Variants in TENM3 observed in about 807,000 individuals in gnomAD.
TENM3 encodes the protein teneurin transmembrane protein 3.
In TENM3, 63 loss-of-function variants were observed where a neutral mutation model predicts 255.1. That is an observed-to-expected ratio of 0.25 (90% CI 0.20 to 0.30). The LOEUF (loss-of-function observed/expected upper bound fraction) is 0.30, where lower values mean the gene tolerates loss of function less well. Among genes scored for constraint, TENM3 ranks in the 10% least tolerant of loss-of-function variants. The pLI is 1.00. For missense variants in TENM3, 2,929 were observed against 3,461.1 expected (o/e 0.85, Z 3.86); for synonymous variants, 1,306 against 1,322.3 (o/e 0.99, Z 0.27).
chr4:182,151,682 CA>C (rs1254234720), intron 1 of TENM3, among the ~76,000 whole-genome samples: 1 of 151,584 alleles, frequency 6.6e-6, no homozygotes, highest in Non-Finnish European at 1.5e-5. Flanking sequence ...CAAAACAAAA[CA>C]AAAAAACGAA....
At chr4:182,098,938 T>C in the TENM3 span, among the ~76,000 whole-genome samples, 4 of 149,588 alleles carry the variant, frequency 2.7e-5, no homozygotes, top group African/African-American at 4.9e-5. Flanking sequence ...ATTTACCTCA[T>C]AAATATGTGC....
At chr4:182,675,249 C>G (rs1299703688) in intron 7 of TENM3, among the ~76,000 whole-genome samples, 1 of 151,928 alleles carries the variant, frequency 6.6e-6, no homozygotes, top group Non-Finnish European at 1.5e-5. Flanking sequence ...ATATAATAAC[C>G]AGATTTTCTT....
the TENM3 span, among the ~76,000 whole-genome samples, chr4:181,774,016 T>TG: frequency 8.5e-4 from 120 of 141,762 alleles, 2 homozygotes; most frequent in South Asian, 1.6e-3. Context: ...TTTTTTTTTT[T>TG]TTTTTTTTTT....
upstream of TENM3, chr4:182,143,582 T>C (rs1749634179): frequency 6.0e-6 from 1 of 166,628 alleles, no homozygotes. The surrounding 1 kb of genome is among the most constrained non-coding windows in gnomAD (Gnocchi z 4.3). Flanking sequence ...TCTAAGAAGG[T>C]TAGAGGTTTG....
At chr4:181,985,739 C>G in the TENM3 span, among the ~76,000 whole-genome samples, 1 of 152,090 alleles carries the variant, frequency 6.6e-6, no homozygotes. Context: ...TTTTCCCTAA[C>G]ATAAACAATC....
chr4:182,574,261 A>G (rs746427025), intron 3 of TENM3, among the ~76,000 whole-genome samples: 3 of 151,738 alleles, frequency 2.0e-5, no homozygotes, highest in African/African-American at 4.8e-5. Context: ...GTGGATTTCT[A>G]CTCTTATCAG....
At chr4:181,996,623 G>T in the TENM3 span, among the ~76,000 whole-genome samples, 1 of 152,186 alleles carries the variant, frequency 6.6e-6, no homozygotes, top group Admixed American at 6.5e-5. Context: ...ATTCTGTCAG[G>T]TGAGTGGAGA....
the TENM3 span, among the ~76,000 whole-genome samples, chr4:181,551,329 C>A: frequency 6.6e-6 from 1 of 152,148 alleles, no homozygotes; most frequent in East Asian, 1.9e-4. Context: ...TAGTGAAGGT[C>A]TTACTTGAAA....
At chr4:181,930,729 G>A in the TENM3 span, among the ~76,000 whole-genome samples, 5 of 152,028 alleles carry the variant, frequency 3.3e-5, no homozygotes, top group Admixed American at 2.6e-4. Flanking sequence ...AAAACTTCAG[G>A]CCAATATCCC....
chr4:181,867,077 C>G, the TENM3 span, among the ~76,000 whole-genome samples: 1 of 152,148 alleles, frequency 6.6e-6, no homozygotes, highest in Non-Finnish European at 1.5e-5. Context: ...TCCTCTGCTT[C>G]TCATCAGTTT....
the TENM3 span, among the ~76,000 whole-genome samples, chr4:181,910,797 TACTCCTTAGA>T: frequency 6.6e-6 from 1 of 151,934 alleles, no homozygotes; most frequent in Non-Finnish European, 1.5e-5. Context: ...CCCTTAATAC[TACTCCTTAGA>T]AACATTTCCT....
chr4:181,887,542 G>C, the TENM3 span, among the ~76,000 whole-genome samples: 1 of 152,162 alleles, frequency 6.6e-6, no homozygotes, highest in Admixed American at 6.5e-5. Context: ...TGGAGTGAAT[G>C]CTCCCTTGAA....
chr4:182,641,816 C>T (rs1186147757), intron 5 of TENM3, among the ~76,000 whole-genome samples: 4 of 152,194 alleles, frequency 2.6e-5, no homozygotes, highest in Non-Finnish European at 4.4e-5. Context: ...CGCAAGCCAC[C>T]GCGCCTGGCC....
At chr4:182,348,448 C>T (rs1397381260) in intron 3 of TENM3, among the ~76,000 whole-genome samples, 1 of 152,082 alleles carries the variant, frequency 6.6e-6, no homozygotes, top group Non-Finnish European at 1.5e-5. Flanking sequence ...ATGGCAGGTA[C>T]CATGGTCATA....
intron 3 of TENM3, among the ~76,000 whole-genome samples, chr4:182,397,987 T>C (rs938758066): frequency 3.9e-5 from 6 of 152,184 alleles, no homozygotes; most frequent in Non-Finnish European, 7.3e-5. Flanking sequence ...GCTTTAGTTC[T>C]CTGTTTCGGA....
chr4:181,520,852 A>C, the TENM3 span, among the ~76,000 whole-genome samples: 9 of 152,324 alleles, frequency 5.9e-5, no homozygotes, highest in South Asian at 1.9e-3. Context: ...AAGCATCTGC[A>C]TGTTTTACCT....
chr4:181,525,419 G>GAAAAAAAAAAAAAAAAA, the TENM3 span, among the ~76,000 whole-genome samples: 1 of 132,540 alleles, frequency 7.5e-6, no homozygotes, highest in Admixed American at 7.6e-5. Context: ...AAAAAAAAAG[G>GAAAAAAAAAAAAAAAAA]AATGCAGAAG....
intron 1 of TENM3, among the ~76,000 whole-genome samples, chr4:182,194,397 G>A (rs1305299561): frequency 6.6e-6 from 1 of 152,146 alleles, no homozygotes; most frequent in Non-Finnish European, 1.5e-5. Flanking sequence ...AATTCGCAGG[G>A]TTACCGGAAT....
intron 3 of TENM3, among the ~76,000 whole-genome samples, chr4:182,419,551 C>G (rs1770650179): frequency 6.6e-6 from 1 of 152,136 alleles, no homozygotes; most frequent in Non-Finnish European, 1.5e-5. Context: ...AATCATGCTG[C>G]TATAAAGACA....
Sources: gnomAD v4.1 joint callset for allele counts (sites outside exome capture counted in the v4.1 genomes callset) on GRCh38, gnomAD v4.1.1 for gene constraint, Gnocchi (gnomAD v3.1) non-coding constraint, MANE v1.5 for transcripts, NCBI Gene and HGNC (gene_info 2026-07-23, HGNC 2026-07-21) for gene names.